NAPA: variants seen among roughly 807,000 people sequenced by gnomAD.
NAPA encodes the protein NSF attachment protein alpha.
Under a neutral mutation model 48.0 loss-of-function variants are expected in NAPA, and 18 were observed. The ratio of observed to expected loss-of-function variants is 0.38; its 90% CI spans 0.26 to 0.56. The LOEUF (loss-of-function observed/expected upper bound fraction) is 0.56, where lower values mean the gene tolerates loss of function less well. Among genes scored for constraint, NAPA ranks in the 20% least tolerant of loss-of-function variants. The pLI is 0.77. For missense variants in NAPA, 315 were observed against 385.0 expected (o/e 0.82, Z 1.52); for synonymous variants, 152 against 149.9 (o/e 1.01, Z -0.10).
intron 3 of NAPA, chr19:47,496,081 T>C (rs1218946421): frequency 5.8e-6 from 1 of 173,126 alleles, no homozygotes; most frequent in African/African-American, 2.4e-5. Flanking sequence ...CTACCTGGGC[T>C]CTGCCACCAT....
In NAPA at chr19:47,488,196, G is replaced by A. The variant is rs1968127669; in HGVS notation, c.*92C>T. ...CTGTGGCCCGCGGCACTCCCCAGATGGGAAAGGAGGGAAGCTCTCCAGCAA... is the reference window on the plus strand; with the variant it reads ...CTGTGGCCCGCGGCACTCCCCAGATAGGAAAGGAGGGAAGCTCTCCAGCAA... On this transcript the variant is annotated 3_prime_UTR_variant, in exon 11 of 11. Coordinates refer to ENST00000263354, the MANE Select transcript of NAPA (RefSeq NM_003827.4). 2 of 1,268,108 alleles carry A rather than the reference G, an allele frequency of 1.6e-6. No individual in the cohort carries two copies. Among genetic ancestry groups the A allele is most frequent in the Non-Finnish European group, 2.2e-6 (2 of 899,214 alleles). The allele number at this position is 1,268,108 out of a possible 1,614,324, so 78.6% of individuals were successfully genotyped here. A position where few individuals can be genotyped will look rare whatever the true frequency, so the allele number is the denominator to read the frequency against.
chr19:47,514,202 C>A (rs994014044), intron 1 of NAPA, among the ~76,000 whole-genome samples: 6 of 152,004 alleles, frequency 3.9e-5, no homozygotes, highest in Non-Finnish European at 8.8e-5. Flanking sequence ...GGGCCGTACT[C>A]ACCCCATGCA....
At chr19:47,507,311 G>T (rs1407702690) in intron 1 of NAPA, among the ~76,000 whole-genome samples, 11 of 152,264 alleles carry the variant, frequency 7.2e-5, no homozygotes, top group Admixed American at 6.5e-4. Flanking sequence ...CTGCCATATG[G>T]AAGGCTGGGC....
At position 47,488,300 on chromosome 19, in the gene NAPA, C is replaced by T; in HGVS notation, c.876G>A (p.Glu292=). ...GGCTGGGTGGGGCTTAGCGCAGGTC[C>T]TCCTCATCGCCCTGGATGGTCTTCT... ...RIKKTIQGDE[E]DLR is the part of the protein sequence containing the mutation. Residue 292 remains glutamate, a synonymous_variant, in exon 11 of 11, where the codon GAG becomes GAA. Coordinates refer to ENST00000263354, the MANE Select transcript of NAPA (RefSeq NM_003827.4). The T allele has an allele frequency of 6.2e-7, 1 of 1,613,034 alleles. No individual in the cohort carries two copies. Among genetic ancestry groups the T allele is most frequent in the Non-Finnish European group, 8.5e-7 (1 of 1,179,326 alleles).
rs770537156 is a variant in NAPA, at chr19:47,503,436, G to A, written c.165C>T (p.Ala55=). 6 of 1,614,078 alleles carry A rather than the reference G, an allele frequency of 3.7e-6. No individual in the cohort carries two copies. The Admixed American group carries it at 1.0e-4, about 27-fold the overall frequency. Residue 55 remains alanine (A), a synonymous_variant, in exon 2 of 11, where the codon GCC becomes GCT. Coordinates refer to ENST00000263354, the MANE Select transcript of NAPA (RefSeq NM_003827.4). ...GAGATGACATACCACTCCAGTTTTT[G>A]GCCATTTTGAACATGTTTGCTGCTC... ...YARAANMFKM[A]KNWSAAGNAF...
intron 1 of NAPA, among the ~76,000 whole-genome samples, chr19:47,511,605 G>A (rs903168135): frequency 1.4e-4 from 22 of 152,218 alleles, no homozygotes; most frequent in Non-Finnish European, 2.8e-4. Context: ...AGAAACTACC[G>A]TGGTAGCACA....
intron 1 of NAPA, among the ~76,000 whole-genome samples, chr19:47,511,813 T>C (rs2122783670): frequency 6.6e-6 from 1 of 152,262 alleles, no homozygotes; most frequent in South Asian, 2.1e-4. Flanking sequence ...AGGGTCTGAG[T>C]CAGAGCGAGC....
At chr19:47,505,690 C>T (rs1041987514) in intron 1 of NAPA, 3 of 152,258 alleles carry the variant, frequency 2.0e-5, no homozygotes, top group African/African-American at 7.2e-5. Context: ...CTGGCAATGT[C>T]AGCAGGCAAA....
Position 47,493,770 on chromosome 19 carries a change from C to A in NAPA, c.343-277G>T, listed in dbSNP as rs1968344899. On this transcript the variant is annotated intron_variant, in intron 4 of 10. Transcript: ENST00000263354. This position sits in a 1 kb window ranked among gnomAD's most constrained non-coding sequence, Gnocchi z 6.4. ...TAATTCCATCCCATCCACGAGGGCACAGATGGTGTGACACCAGAGAGAATG... is the reference window on the plus strand; with the variant it reads ...TAATTCCATCCCATCCACGAGGGCAAAGATGGTGTGACACCAGAGAGAATG... 2.2e-6 allele frequency: 1 copy of A among 454,590 alleles called. No individual in the cohort carries two copies. The highest frequency in any genetic ancestry group is 4.1e-6 in the Non-Finnish European group (1 of 246,542). 28.2% of individuals were successfully genotyped at this position (454,590 alleles called of 1,614,324 possible). A position where few individuals can be genotyped will look rare whatever the true frequency, so the allele number is the denominator to read the frequency against.
At chr19:47,485,221 T>G (rs1013709994), downstream of NAPA, among the ~76,000 whole-genome samples, 2 of 152,218 alleles carry the variant, frequency 1.3e-5, no homozygotes, top group Admixed American at 1.3e-4. Context: ...GAGCTTTTAC[T>G]ATGTGCCCGG....
chr19:47,514,720 T>C lies in NAPA; in HGVS notation c.98+123A>G, dbSNP rs1968872050. The C allele has an allele frequency of 2.9e-5, 26 of 888,746 alleles. No individual in the cohort carries two copies. The South Asian group carries it at 4.1e-4, about 14-fold the overall frequency. 55.1% of individuals were successfully genotyped at this position (888,746 alleles called of 1,614,324 possible). On this transcript the variant is annotated intron_variant, in intron 1 of 10. Coordinates refer to ENST00000263354, the MANE Select transcript of NAPA (RefSeq NM_003827.4). ...CTCTGCCGCCTCAGGCCATGTCACC[T>C]TATTGCAGGTTCCTCTCCGTCCCCT...
At chr19:47,504,032 T>C (rs1253314289) in intron 1 of NAPA, among the ~76,000 whole-genome samples, 1 of 151,976 alleles carries the variant, frequency 6.6e-6, no homozygotes, top group Non-Finnish European at 1.5e-5. Context: ...CACACAGCCA[T>C]ACAAAGAAAT....
downstream of NAPA, among the ~76,000 whole-genome samples, chr19:47,485,375 G>A (rs772494713): frequency 1.2e-4 from 19 of 152,226 alleles, no homozygotes; most frequent in African/African-American, 4.6e-4. Flanking sequence ...GGTGGGGACA[G>A]GATGTAAACC....
chr19:47,492,981 CCTT>C lies in NAPA; in HGVS notation c.538_540del (p.Lys180del). ...CCCACCTGTTCGTAGATGTCAATGGCCTTCTGATACTGCTCCAGCAGCGCAGCG... is the reference window on the plus strand; with the variant it reads ...CCCACCTGTTCGTAGATGTCAATGGCCTGATACTGCTCCAGCAGCGCAGCG... On this transcript the variant is annotated inframe_deletion, in exon 7 of 11. Transcript: ENST00000263354. The C allele has an allele frequency of 6.2e-7, 1 of 1,614,182 alleles. No individual in the cohort carries two copies. Among genetic ancestry groups the C allele is most frequent in the Non-Finnish European group, 8.5e-7 (1 of 1,180,016 alleles).
chr19:47,501,753 G>T (rs1968582477), intron 2 of NAPA, among the ~76,000 whole-genome samples: 1 of 152,134 alleles, frequency 6.6e-6, no homozygotes, highest in African/African-American at 2.4e-5. Context: ...TCCTCCTCGT[G>T]CAGCTGACCA....
At chr19:47,501,203 G>A (rs1160980923) in intron 2 of NAPA, among the ~76,000 whole-genome samples, 1 of 152,160 alleles carries the variant, frequency 6.6e-6, no homozygotes, top group Non-Finnish European at 1.5e-5. Context: ...CTCCCGGCCT[G>A]GGCAGTCCTC....
chr19:47,484,549 T>C, downstream of NAPA: 1 of 210,168 alleles, frequency 4.8e-6, no homozygotes, highest in East Asian at 1.2e-4. Context: ...TCTAATACTT[T>C]ATTAAAAATT....
chr19:47,502,099 G>A (rs1474579437), intron 2 of NAPA, among the ~76,000 whole-genome samples: 1 of 151,796 alleles, frequency 6.6e-6, no homozygotes, highest in Non-Finnish European at 1.5e-5. Context: ...AAATAAGCTG[G>A]GCGTAGTGGC....
chr19:47,492,908 C>A, intron 7 of NAPA, 53 bp downstream of exon 7: 1 of 1,571,424 alleles, frequency 6.4e-7, no homozygotes, highest in Non-Finnish European at 8.8e-7. Flanking sequence ...TAGGAGGAGG[C>A]ACAGGCCCTG....
Sources: gnomAD v4.1 joint callset for allele counts (sites outside exome capture counted in the v4.1 genomes callset) on GRCh38, gnomAD v4.1.1 for gene constraint, Gnocchi (gnomAD v3.1) non-coding constraint, MANE v1.5 for transcripts, NCBI Gene and HGNC (gene_info 2026-07-23, HGNC 2026-07-21) for gene names.